The following CNTN5 variants were observed in gnomAD, a reference collection of about 807,000 sequenced individuals.
CNTN5 encodes the protein contactin-5.
CNTN5 carries 77 observed loss-of-function variants against 129.1 expected under a neutral mutation model. The observed-to-expected ratio is 0.60, with a 90% CI of 0.50 to 0.72. CNTN5 has a LOEUF of 0.72. Among genes scored for constraint, CNTN5 ranks in the 30% least tolerant of loss-of-function variants. CNTN5 has a pLI of 0.00. For missense variants in CNTN5, 1,478 were observed against 1,328.8 expected (o/e 1.11, Z -1.75); for synonymous variants, 509 against 465.6 (o/e 1.09, Z -1.20).
At chr11:100,144,972 G>A (rs1946804498) in intron 13 of CNTN5, among the ~76,000 whole-genome samples, 1 of 126,098 alleles carries the variant, frequency 7.9e-6, no homozygotes, top group Non-Finnish European at 1.9e-5. Flanking sequence ...CTCAAGTTTA[G>A]GTGTCAAGTT....
chr11:99,641,960 C>T (rs997949362), intron 3 of CNTN5, among the ~76,000 whole-genome samples: 5 of 152,136 alleles, frequency 3.3e-5, no homozygotes, highest in Non-Finnish European at 4.4e-5. Flanking sequence ...CCCTAGCTCC[C>T]CTAAAAGCAG....
intron 8 of CNTN5, among the ~76,000 whole-genome samples, chr11:99,994,316 C>T (rs528964643): frequency 0.029 from 2,266 of 78,036 alleles, 36 homozygotes; most frequent in South Asian, 0.1. Flanking sequence ...CCTAAAATGT[C>T]GTACAACCTT....
chr11:99,373,081 T>G (rs1017242600), intron 2 of CNTN5, among the ~76,000 whole-genome samples: 33 of 151,944 alleles, frequency 2.2e-4, no homozygotes, highest in African/African-American at 7.2e-4. Context: ...TGGTGGCACA[T>G]GGCTGTAATC....
intron 13 of CNTN5, among the ~76,000 whole-genome samples, chr11:100,093,307 C>A (rs1041931217): frequency 2.6e-5 from 4 of 152,124 alleles, no homozygotes; most frequent in Non-Finnish European, 4.4e-5. Context: ...GTCACCCAGG[C>A]TGGAGTGCAG....
chr11:99,662,500 A>G (rs1309495142), intron 3 of CNTN5, among the ~76,000 whole-genome samples: 1 of 152,210 alleles, frequency 6.6e-6, no homozygotes, highest in Non-Finnish European at 1.5e-5. Flanking sequence ...CAATTTCTGA[A>G]GTGATGATAG....
chr11:99,636,184 G>A (rs1951545096), intron 3 of CNTN5, among the ~76,000 whole-genome samples: 3 of 151,846 alleles, frequency 2.0e-5, no homozygotes, highest in Admixed American at 1.3e-4. Context: ...GAACAAAAAA[G>A]AATGGGAATT....
At chr11:99,331,258 A>T (rs2136026628) in intron 2 of CNTN5, among the ~76,000 whole-genome samples, 1 of 152,272 alleles carries the variant, frequency 6.6e-6, no homozygotes, top group Non-Finnish European at 1.5e-5. Flanking sequence ...GTGATGTGAT[A>T]CCGAAGACCA....
rs562487310 is a variant in CNTN5, at chr11:99,426,300, G to A, written c.-71+100816G>A. 1.2e-4 allele frequency among the ~76,000 whole-genome samples: 18 copies of A among 152,102 alleles called. No homozygotes were observed. The East Asian group carries it at 3.1e-3, about 26-fold the overall frequency. On this transcript the variant is annotated intron_variant, in intron 2 of 24. Transcript: ENST00000524871. The stretch of plus-strand genomic sequence containing the variant: ...TTGATATCACAAAATAGGATCACAG[G>A]TAACTGTAAAATAAGTCATTCATTT...
At chr11:100,017,981 TTTG>T (rs911475079) in intron 9 of CNTN5, among the ~76,000 whole-genome samples, 5 of 151,968 alleles carry the variant, frequency 3.3e-5, no homozygotes, top group African/African-American at 1.2e-4. Context: ...TTGTTTGACT[TTTG>T]TTTGGGGGGG....
chr11:99,157,752 G>GACT (rs773796021), intron 1 of CNTN5, among the ~76,000 whole-genome samples: 1 of 152,036 alleles, frequency 6.6e-6, no homozygotes, highest in Non-Finnish European at 1.5e-5. Flanking sequence ...CAGCTTGACA[G>GACT]ACTACTACTC....
intron 13 of CNTN5, among the ~76,000 whole-genome samples, chr11:100,123,901 T>C (rs1946102758): frequency 6.6e-6 from 1 of 152,044 alleles, no homozygotes; most frequent in African/African-American, 2.4e-5. Context: ...AAACAAAGTT[T>C]GGAAATTACT....
chr11:99,594,453 A>G (rs183165798), intron 3 of CNTN5, among the ~76,000 whole-genome samples: 1 of 152,318 alleles, frequency 6.6e-6, no homozygotes, highest in East Asian at 1.9e-4. Flanking sequence ...ACCATTGTGT[A>G]AGCTCAATTC....
At chr11:100,113,779 C>T (rs1945747020) in intron 13 of CNTN5, among the ~76,000 whole-genome samples, 1 of 152,106 alleles carries the variant, frequency 6.6e-6, no homozygotes, top group African/African-American at 2.4e-5. Flanking sequence ...AATTACTTTA[C>T]CTTCTTGGTA....
chr11:99,631,422 G>C (rs1314508142), intron 3 of CNTN5, among the ~76,000 whole-genome samples: 1 of 151,732 alleles, frequency 6.6e-6, no homozygotes, highest in East Asian at 1.9e-4. Flanking sequence ...AATTAGTAAA[G>C]AACGAAATCA....
chr11:99,806,877 T>G (rs1406303962), intron 3 of CNTN5, among the ~76,000 whole-genome samples: 1 of 10,340 alleles, frequency 9.7e-5, no homozygotes, highest in Non-Finnish European at 1.7e-4. Flanking sequence ...AATCATAAAA[T>G]GATCAATTAG....
intron 3 of CNTN5, among the ~76,000 whole-genome samples, chr11:99,716,049 T>G (rs1326867602): frequency 6.6e-6 from 1 of 152,014 alleles, no homozygotes; most frequent in African/African-American, 2.4e-5. Flanking sequence ...GAAGATTTTC[T>G]TAGAGAAATG....
intron 2 of CNTN5, among the ~76,000 whole-genome samples, chr11:99,526,704 C>T (rs1361687682): frequency 1.3e-5 from 2 of 152,130 alleles, no homozygotes; most frequent in African/African-American, 2.4e-5. Flanking sequence ...GGTGTGGCAT[C>T]GAATGTGTTC....
intron 3 of CNTN5, among the ~76,000 whole-genome samples, chr11:99,800,772 C>T (rs1331570049): frequency 6.6e-6 from 1 of 151,844 alleles, no homozygotes; most frequent in Non-Finnish European, 1.5e-5. Flanking sequence ...ATTGTTTAAC[C>T]GATCTTCCTT....
At chr11:100,305,449 T>C (rs1951327387) in intron 20 of CNTN5, among the ~76,000 whole-genome samples, 1 of 151,636 alleles carries the variant, frequency 6.6e-6, no homozygotes, top group Non-Finnish European at 1.5e-5. Flanking sequence ...CTGTCTCCTT[T>C]TATCCCCCAA....
Sources: allele counts gnomAD v4.1 joint callset (sites outside exome capture counted in the v4.1 genomes callset), GRCh38; gene constraint gnomAD v4.1.1; transcripts MANE v1.5; gene names NCBI Gene and HGNC (gene_info 2026-07-23, HGNC 2026-07-21).